The following PRDM11 variants were observed in gnomAD, a reference collection of about 807,000 sequenced individuals.
PRDM11 encodes PR/SET domain 11, also known as PR domain-containing protein 11.
A neutral mutation model predicts 97.8 loss-of-function variants in PRDM11; 20 were observed. That is an observed-to-expected ratio of 0.20 (90% CI 0.14 to 0.30). The LOEUF is 0.30. Ranked by LOEUF, PRDM11 falls within the 10% of genes least tolerant of loss-of-function variation. PRDM11 has a pLI of 1.00. For synonymous variants in PRDM11, 599 were observed against 637.7 expected (o/e 0.94, Z 0.91); for missense variants, 1,139 against 1,555.2 (o/e 0.73, Z 4.50).
intron 1 of PRDM11, among the ~76,000 whole-genome samples, chr11:45,147,125 CG>C: frequency 6.6e-6 from 1 of 151,108 alleles, no homozygotes; most frequent in African/African-American, 2.4e-5. Context: ...CCGCGGGAGC[CG>C]GGGGCCGCCC....
chr11:45,172,918 G>A (rs767532689), intron 1 of PRDM11, among the ~76,000 whole-genome samples: 6 of 152,162 alleles, frequency 3.9e-5, no homozygotes, highest in South Asian at 4.1e-4. Context: ...TGAGGAACTC[G>A]CTTCATGCTG....
chr11:45,106,513 T>C (rs1852063996), intron 1 of PRDM11, among the ~76,000 whole-genome samples: 1 of 152,180 alleles, frequency 6.6e-6, no homozygotes. Flanking sequence ...CATTTTATTA[T>C]AGCCATGGAT....
chr11:45,198,960 G>A (rs185093279), intron 4 of PRDM11, among the ~76,000 whole-genome samples: 1 of 152,152 alleles, frequency 6.6e-6, no homozygotes, highest in Non-Finnish European at 1.5e-5. Flanking sequence ...TTTCCAATCT[G>A]TAAAAGGAGG....
chr11:45,191,714 T>G (rs1186038200), intron 4 of PRDM11, among the ~76,000 whole-genome samples: 1 of 152,160 alleles, frequency 6.6e-6, no homozygotes, highest in Non-Finnish European at 1.5e-5. Flanking sequence ...TGTGATTCCT[T>G]TCAGTGGGAA....
rs1480105890 is a variant in PRDM11, at chr11:45,226,193, C to A, written c.1568C>A (p.Thr523Asn). The change falls in exon 8 of 8, where the codon ACC becomes AAC. Residue 523 changes from threonine to asparagine, a missense_variant. By Grantham distance (65) the Thr-to-Asn change is moderately conservative. This residue lies in a region of PRDM11 where 710 missense variants were observed against 1,044.9 expected (regional missense o/e 0.68). Transcript: ENST00000683152. Reference protein sequence around the residue: ...KKFWFLRYSPTLNEMWCHVCR... With the variant: ...KKFWFLRYSPNLNEMWCHVCR... ...TTCTGGTTCCTGCGGTACTCCCCAA[C>A]CCTCAATGAGATGTGGTGCCACGTC... is the stretch of plus-strand genomic sequence containing the variant. 1 of 1,533,778 alleles carries A rather than the reference C, an allele frequency of 6.5e-7. No individual in the cohort carries two copies. The highest frequency in any genetic ancestry group is 2.0e-5 in the Admixed American group (1 of 51,000).
intron 1 of PRDM11, among the ~76,000 whole-genome samples, chr11:45,133,289 A>G (rs1208224642): frequency 6.6e-6 from 1 of 152,198 alleles, no homozygotes; most frequent in African/African-American, 2.4e-5. Flanking sequence ...TGTTAAGGAC[A>G]TAAGTGACTC....
upstream of PRDM11, among the ~76,000 whole-genome samples, chr11:45,094,605 G>T (rs1281013026): frequency 7.2e-6 from 1 of 138,996 alleles, no homozygotes; most frequent in Admixed American, 7.2e-5. Context: ...GAGGGGAGGG[G>T]AGGGGAGGAC....
At chr11:45,214,981 A>G (rs978152761) in intron 5 of PRDM11, among the ~76,000 whole-genome samples, 26 of 152,174 alleles carry the variant, frequency 1.7e-4, no homozygotes, top group Admixed American at 1.6e-3. Flanking sequence ...GTTATATTTC[A>G]TTTCTCTGCT....
chr11:45,112,517 G>A (rs1852205110), intron 1 of PRDM11, among the ~76,000 whole-genome samples: 1 of 152,186 alleles, frequency 6.6e-6, no homozygotes, highest in African/African-American at 2.4e-5. Flanking sequence ...TCTCCATACT[G>A]TTTTCCATAG....
chr11:45,143,205 A>C (rs1760366750), upstream of PRDM11, among the ~76,000 whole-genome samples: 1 of 152,230 alleles, frequency 6.6e-6, no homozygotes, highest in Non-Finnish European at 1.5e-5. Flanking sequence ...TCATATGTGC[A>C]ATAAACAATG....
In PRDM11 at chr11:45,182,925, G is replaced by T; in HGVS notation, c.288G>T (p.Val96=). ...CAAACCATGGCCCCCCGGTGTTTGT[G>T]TCTGACACACCGGTGCCCGTGGGCA... is the stretch of plus-strand genomic sequence containing the variant. The part of the protein sequence containing the change: ...ECPNHGPPVF[V]SDTPVPVGIP... The change falls in exon 4 of 8, where the codon GTG becomes GTT. Residue 96 remains valine (V), a synonymous_variant. Transcript: ENST00000683152. 6.2e-7 allele frequency: 1 copy of T among 1,613,618 alleles called. No individual in the cohort carries two copies. The highest frequency in any genetic ancestry group is 8.5e-7 in the Non-Finnish European group (1 of 1,179,826).
chr11:45,217,576 C>T (rs921371173), intron 5 of PRDM11, among the ~76,000 whole-genome samples: 3 of 152,210 alleles, frequency 2.0e-5, no homozygotes, highest in African/African-American at 7.2e-5. Flanking sequence ...ATTTGCTCTC[C>T]CATCTGCCTT....
chr11:45,109,768 G>A (rs1044821606), intron 1 of PRDM11, among the ~76,000 whole-genome samples: 4 of 152,140 alleles, frequency 2.6e-5, no homozygotes, highest in Admixed American at 2.0e-4. Flanking sequence ...ATAACCTTCT[G>A]GTAGCAAAAA....
rs1160981332 is a variant in PRDM11, at chr11:45,233,051, T to C, written c.*4892T>C. On this transcript the variant is annotated 3_prime_UTR_variant, in exon 8 of 8. Coordinates refer to ENST00000683152, the MANE Select transcript of PRDM11 (RefSeq NM_001384648.1). ...CATATATGTTGTATATATGGACATA[T>C]ACAGTACGTATACACACAGAGTAAG... The C allele has an allele frequency of 6.6e-6, 1 of 152,196 alleles. No individual in the cohort carries two copies. The highest frequency in any genetic ancestry group is 2.4e-5 in the African/African-American group (1 of 41,434). 9.4% of individuals were successfully genotyped at this position (152,196 alleles called of 1,614,324 possible).
chr11:45,220,954 C>G (rs1854103969), intron 6 of PRDM11, among the ~76,000 whole-genome samples: 1 of 152,062 alleles, frequency 6.6e-6, no homozygotes, highest in Non-Finnish European at 1.5e-5. Flanking sequence ...ATCCAAACAC[C>G]TAGAGTCTAT....
chr11:45,101,030 G>T (rs1851965254), intron 1 of PRDM11, among the ~76,000 whole-genome samples: 1 of 152,122 alleles, frequency 6.6e-6, no homozygotes, highest in African/African-American at 2.4e-5. Context: ...TTGTGGCTTT[G>T]TGTGTGTGTG....
intron 1 of PRDM11, among the ~76,000 whole-genome samples, chr11:45,096,132 T>A (rs1851884831): frequency 6.6e-6 from 1 of 152,242 alleles, no homozygotes; most frequent in Non-Finnish European, 1.5e-5. Flanking sequence ...TTCTTGTTTG[T>A]TACGGGCTTC....
intron 1 of PRDM11, among the ~76,000 whole-genome samples, chr11:45,139,615 G>A (rs915630907): frequency 1.3e-5 from 2 of 151,042 alleles, no homozygotes; most frequent in African/African-American, 4.9e-5. Flanking sequence ...GTAAAGCAGG[G>A]CATATCCTTT....
intron 7 of PRDM11, among the ~76,000 whole-genome samples, chr11:45,225,728 C>G (rs368473873): frequency 6.6e-6 from 1 of 152,118 alleles, no homozygotes; most frequent in Non-Finnish European, 1.5e-5. Context: ...CCTCAAACAC[C>G]CACACATGGA....
Sources: allele counts gnomAD v4.1 joint callset (sites outside exome capture counted in the v4.1 genomes callset), GRCh38; gene constraint gnomAD v4.1.1; regional missense constraint gnomAD v4.1.1; transcripts MANE v1.5; gene names NCBI Gene and HGNC (gene_info 2026-07-23, HGNC 2026-07-21).